LAMC1: variants seen among roughly 807,000 people sequenced by gnomAD.
LAMC1 encodes the protein laminin subunit gamma-1.
LAMC1 carries 38 observed loss-of-function variants against 173.6 expected under a neutral mutation model. That is an observed-to-expected ratio of 0.22 (90% CI 0.17 to 0.29). The LOEUF (loss-of-function observed/expected upper bound fraction) is 0.29. LAMC1 is among the 10% of genes least tolerant of loss of function. LAMC1 has a pLI of 1.00. For synonymous variants in LAMC1, 746 were observed against 749.1 expected (o/e 1.00, Z 0.07); for missense variants, 1,824 against 2,051.8 (o/e 0.89, Z 2.14).
At position 183,133,386 on chromosome 1, in the gene LAMC1, C is replaced by G. The variant is rs775886745; in HGVS notation, c.3705-20C>G. The G allele has an allele frequency of 1.0e-5, 16 of 1,599,676 alleles. No homozygotes were observed. The South Asian group carries it at 1.7e-4, about 17-fold the overall frequency. ...AAAAGCAGCTAAGATTGTCATTAAA[C>G]CACATTATTTGTGTCTTAGGTATGA... is the stretch of plus-strand genomic sequence containing the variant. On this transcript the variant is annotated intron_variant, in intron 21 of 27. Transcript: ENST00000258341.
At chr1:183,048,466 A>G (rs1654326569) in intron 1 of LAMC1, among the ~76,000 whole-genome samples, 1 of 152,354 alleles carries the variant, frequency 6.6e-6, no homozygotes, top group South Asian at 2.1e-4. Flanking sequence ...TGCCTTGTAC[A>G]GAATGACATC....
chr1:183,107,066 T>C (rs1334554578), intron 2 of LAMC1, among the ~76,000 whole-genome samples: 1 of 152,174 alleles, frequency 6.6e-6, no homozygotes, highest in East Asian at 1.9e-4. Flanking sequence ...GTGTAAGGGC[T>C]TAGATCTCAT....
chr1:183,090,228 A>T (rs1181470076), intron 1 of LAMC1, among the ~76,000 whole-genome samples: 1 of 152,124 alleles, frequency 6.6e-6, no homozygotes, highest in Non-Finnish European at 1.5e-5. Flanking sequence ...TTATTTCTTA[A>T]CAGTCATTAG....
chr1:183,140,247 A>AAAAAAAAAAAT (rs1657071970), intron 26 of LAMC1, among the ~76,000 whole-genome samples, 157 bp from the exon 27 acceptor site: 1 of 141,490 alleles, frequency 7.1e-6, no homozygotes, highest in African/African-American at 2.6e-5. Flanking sequence ...AGCCCCACCA[A>AAAAAAAAAAAT]AAAAAAAAAA....
intron 13 of LAMC1, among the ~76,000 whole-genome samples, chr1:183,123,365 C>T (rs3768617): frequency 0.34 from 51,724 of 151,840 alleles, 10,208 homozygotes; most frequent in East Asian, 0.48. Context: ...GCTCCAATCT[C>T]AACATGAAAG....
At chr1:183,028,630 A>C (rs934412896) in intron 1 of LAMC1, among the ~76,000 whole-genome samples, 11 of 152,178 alleles carry the variant, frequency 7.2e-5, no homozygotes, top group African/African-American at 2.4e-4. Flanking sequence ...AGCTTCTCTA[A>C]CGAGTCTCTC....
At chr1:183,114,472 T>TA (rs1656260156) in intron 4 of LAMC1, 59 bp from the exon 5 acceptor site, 2 of 1,552,954 alleles carry the variant, frequency 1.3e-6, no homozygotes, top group Admixed American at 1.7e-5. Context: ...TTTTAAGTCT[T>TA]AAAATGCTCT....
chr1:183,120,363 C>T (rs1312250087), intron 11 of LAMC1, among the ~76,000 whole-genome samples: 2 of 151,940 alleles, frequency 1.3e-5, no homozygotes, highest in African/African-American at 2.4e-5. Context: ...AATGGGGAGA[C>T]TTAAGGATGT....
At chr1:183,065,736 C>A (rs1654860123) in intron 1 of LAMC1, among the ~76,000 whole-genome samples, 1 of 152,018 alleles carries the variant, frequency 6.6e-6, no homozygotes, top group East Asian at 1.9e-4. Flanking sequence ...AAGTTTGATT[C>A]AGTGTGAATA....
chr1:183,133,035 T>C (rs1275452461), intron 21 of LAMC1, among the ~76,000 whole-genome samples: 1 of 152,030 alleles, frequency 6.6e-6, no homozygotes, highest in African/African-American at 2.4e-5. Context: ...CTCGGCCTCC[T>C]GAGTAGCTGG....
At chr1:183,044,944 T>C (rs1467702525) in intron 1 of LAMC1, among the ~76,000 whole-genome samples, 3 of 151,468 alleles carry the variant, frequency 2.0e-5, no homozygotes, top group African/African-American at 7.3e-5. Flanking sequence ...AAAAAAAAGA[T>C]CCACTAAAGC....
intron 1 of LAMC1, among the ~76,000 whole-genome samples, chr1:183,052,490 C>T (rs1432154757): frequency 2.6e-5 from 4 of 152,054 alleles, no homozygotes; most frequent in Non-Finnish European, 5.9e-5. Flanking sequence ...TGCGCCACCA[C>T]GCCCAGCTAA....
At chr1:183,122,872 C>G (rs1307905809) in intron 13 of LAMC1, among the ~76,000 whole-genome samples, 1 of 152,098 alleles carries the variant, frequency 6.6e-6, no homozygotes, top group African/African-American at 2.4e-5. Context: ...CTTCTCCAAA[C>G]AGCTCTTTTT....
chr1:183,049,463 GT>G (rs67306811), intron 1 of LAMC1, among the ~76,000 whole-genome samples: 66,758 of 143,408 alleles, frequency 0.47, 15,176 homozygotes, highest in East Asian at 0.59. Flanking sequence ...AGGTTTTTTT[GT>G]TTTTTTTTTT....
chr1:183,077,332 G>T (rs538667364), intron 1 of LAMC1, among the ~76,000 whole-genome samples: 2 of 152,158 alleles, frequency 1.3e-5, no homozygotes, highest in Non-Finnish European at 2.9e-5. Flanking sequence ...CTGGCTATTT[G>T]CAGGAATGCC....
chr1:183,103,012 C>T (rs10911242), intron 1 of LAMC1, among the ~76,000 whole-genome samples: 78,476 of 151,996 alleles, frequency 0.52, 20,924 homozygotes, highest in South Asian at 0.65. Flanking sequence ...TAAGAATAAA[C>T]GTACTTTTTA....
chr1:183,063,179 T>C (rs943897518), intron 1 of LAMC1, among the ~76,000 whole-genome samples: 2 of 152,224 alleles, frequency 1.3e-5, no homozygotes, highest in African/African-American at 4.8e-5. Flanking sequence ...TACTCAAAGT[T>C]CCAGAATAGT....
At chr1:183,039,678 G>A (rs2102013955) in intron 1 of LAMC1, among the ~76,000 whole-genome samples, 1 of 152,236 alleles carries the variant, frequency 6.6e-6, no homozygotes, top group Non-Finnish European at 1.5e-5. Flanking sequence ...ATCAGGTTTG[G>A]GTTTTAAACA....
chr1:183,132,466 A>G lies in LAMC1; in HGVS notation c.3633A>G (p.Ala1211=), dbSNP rs1471850247. 2.5e-6 allele frequency: 4 copies of G among 1,613,430 alleles called. No individual in the cohort carries two copies. Among genetic ancestry groups the G allele is most frequent in the Admixed American group, 1.7e-5 (1 of 60,002 alleles). Residue 1211 remains alanine (A), a synonymous_variant, in exon 21 of 28, where the codon GCA becomes GCG. Coordinates refer to ENST00000258341, the MANE Select transcript of LAMC1 (RefSeq NM_002293.4). ...CAGCCAATGATACGTCAACTGAGGC[A>G]TACAACCTGCTTCTGAGGACACTGG... ...AKTANDTSTE[A]YNLLLRTLAG... is the part of the protein sequence containing the mutation.
Sources: allele counts gnomAD v4.1 joint callset (sites outside exome capture counted in the v4.1 genomes callset), GRCh38; gene constraint gnomAD v4.1.1; transcripts MANE v1.5; gene names NCBI Gene and HGNC (gene_info 2026-07-23, HGNC 2026-07-21).